The following FBXL17 variants were observed in gnomAD, a reference collection of about 807,000 sequenced individuals.
The protein encoded by FBXL17 is F-box/LRR-repeat protein 17.
In FBXL17, 22 loss-of-function variants were observed where a neutral mutation model predicts 66.2. The ratio of observed to expected loss-of-function variants is 0.33; its 90% CI spans 0.24 to 0.47. The LOEUF (loss-of-function observed/expected upper bound fraction) is 0.47, where lower values mean the gene tolerates loss of function less well. Ranked by LOEUF, FBXL17 falls within the 20% of genes least tolerant of loss-of-function variation. The pLI, the probability that FBXL17 is intolerant of heterozygous loss-of-function variation, is 1.00. For synonymous variants in FBXL17, 474 were observed against 400.5 expected (o/e 1.18, Z -2.19); for missense variants, 878 against 948.2 (o/e 0.93, Z 0.97).
intron 7 of FBXL17, among the ~76,000 whole-genome samples, chr5:108,003,147 T>C (rs887852853): frequency 5.9e-5 from 9 of 152,352 alleles, no homozygotes; most frequent in African/African-American, 2.2e-4. Flanking sequence ...TGCTAATATT[T>C]GTGGCCTTTT....
At chr5:107,924,071 T>TGC in intron 7 of FBXL17, among the ~76,000 whole-genome samples, 1 of 150,326 alleles carries the variant, frequency 6.7e-6, no homozygotes. Flanking sequence ...TTTTTTTTTT[T>TGC]TTTTTTTTTT....
At chr5:108,136,928 A>T (rs1257645865) in intron 6 of FBXL17, among the ~76,000 whole-genome samples, 1 of 152,200 alleles carries the variant, frequency 6.6e-6, no homozygotes, top group African/African-American at 2.4e-5. Context: ...CTTCAAAACT[A>T]TAACTTAAAA....
intron 6 of FBXL17, among the ~76,000 whole-genome samples, chr5:108,152,176 A>G (rs1751798067): frequency 6.6e-6 from 1 of 152,218 alleles, no homozygotes. Flanking sequence ...GTACCAAAAC[A>G]CTGAAAAGTC....
At chr5:108,323,395 G>T (rs925076804) in intron 4 of FBXL17, among the ~76,000 whole-genome samples, 2 of 151,746 alleles carry the variant, frequency 1.3e-5, no homozygotes, top group African/African-American at 4.8e-5. Context: ...TAAACTTAAA[G>T]GAGGCAAAAG....
chr5:107,915,691 T>TG (rs2112553578), intron 7 of FBXL17, among the ~76,000 whole-genome samples: 1 of 152,314 alleles, frequency 6.6e-6, no homozygotes, highest in South Asian at 2.1e-4. Context: ...TTTTGGTACT[T>TG]ATAATAAATC....
At position 108,260,750 on chromosome 5, in the gene FBXL17, G is replaced by A. The variant is rs531351661; in HGVS notation, c.1507-36522C>T. ...AGCCAGAGGAGCAGAGGAGGCAATG[G>A]CCACTAGATGGCACCAAACTACAGC... On this transcript the variant is annotated intron_variant, in intron 4 of 8. Coordinates refer to ENST00000542267, the MANE Select transcript of FBXL17 (RefSeq NM_001163315.3). Among the ~76,000 whole-genome samples the A allele has an allele frequency of 1.7e-4, 26 of 152,152 alleles. No individual in the cohort carries two copies. In the South Asian group the frequency reaches 5.2e-3, roughly 30 times the overall value.
intron 4 of FBXL17, among the ~76,000 whole-genome samples, chr5:108,336,243 A>G (rs1250717165): frequency 1.3e-5 from 2 of 152,198 alleles, no homozygotes; most frequent in Non-Finnish European, 2.9e-5. Context: ...ATTACTCTCA[A>G]AGCATGCAAT....
intron 7 of FBXL17, among the ~76,000 whole-genome samples, chr5:107,980,664 A>ATATATATATATATATATATATATTTTT: frequency 1.6e-5 from 1 of 62,078 alleles, no homozygotes; most frequent in African/African-American, 1.0e-4. Context: ...ATATATATAT[A>ATATATATATATATATATATATATTTTT]TTTTTTTTTT....
intron 6 of FBXL17, among the ~76,000 whole-genome samples, chr5:108,161,828 A>G (rs1752230606): frequency 6.6e-6 from 1 of 152,248 alleles, no homozygotes; most frequent in African/African-American, 2.4e-5. Context: ...CAGCAAGAGC[A>G]ATGATCTTAG....
intron 6 of FBXL17, among the ~76,000 whole-genome samples, chr5:108,050,525 A>G (rs950855497): frequency 6.6e-6 from 1 of 151,252 alleles, no homozygotes; most frequent in Admixed American, 6.6e-5. Context: ...ATGAGAAAAA[A>G]GAGAATCTCT....
At position 108,116,483 on chromosome 5, in the gene FBXL17, C is replaced by CAA. The variant is rs34773737; in HGVS notation, c.1745+69632_1745+69633dup. ...TGAAACCCTGTCTCTACTAAAAATA[C>CAA]AAAAAAAAAAAAAAATTAGCTGGGC... On this transcript the variant is annotated intron_variant, in intron 6 of 8. Transcript: ENST00000542267. Among the ~76,000 whole-genome samples the CAA allele has an allele frequency of 4.7e-4, 63 of 134,582 alleles. No individual in the cohort carries two copies. In the South Asian group the frequency reaches 7.7e-3, roughly 16 times the overall value. 88.3% of individuals were successfully genotyped at this position (134,582 alleles called of 152,430 possible).
chr5:108,232,736 T>C (rs532194567), intron 4 of FBXL17, among the ~76,000 whole-genome samples: 1 of 139,720 alleles, frequency 7.2e-6, no homozygotes, highest in South Asian at 2.3e-4. Flanking sequence ...AGACAGCCTA[T>C]TGTGGGACCT....
chr5:108,172,403 G>A (rs1236966504), intron 6 of FBXL17, among the ~76,000 whole-genome samples: 1 of 152,188 alleles, frequency 6.6e-6, no homozygotes, highest in Non-Finnish European at 1.5e-5. Flanking sequence ...TCCACCTTTT[G>A]ATGGGAGGAC....
intron 7 of FBXL17, among the ~76,000 whole-genome samples, chr5:107,949,307 A>T (rs1209743711): frequency 1.3e-5 from 2 of 152,198 alleles, no homozygotes; most frequent in Admixed American, 1.3e-4. Context: ...ATATCTTAAC[A>T]GGGACATTAA....
chr5:108,073,214 C>A (rs950856656), intron 6 of FBXL17, among the ~76,000 whole-genome samples: 1 of 152,140 alleles, frequency 6.6e-6, no homozygotes, highest in East Asian at 1.9e-4. Context: ...GGATAAAAAT[C>A]GGAAAAACAA....
intron 7 of FBXL17, among the ~76,000 whole-genome samples, chr5:107,958,002 A>G (rs1751729759): frequency 6.6e-6 from 1 of 151,190 alleles, no homozygotes; most frequent in African/African-American, 2.5e-5. Context: ...TGTCCAAGTA[A>G]TACATCGTTA....
intron 4 of FBXL17, among the ~76,000 whole-genome samples, chr5:108,284,569 G>C (rs1028465813): frequency 6.6e-6 from 1 of 151,762 alleles, no homozygotes; most frequent in African/African-American, 2.4e-5. Flanking sequence ...GTGGGAGGGG[G>C]GAAGATGATG....
chr5:108,381,817 C>A lies in FBXL17; in HGVS notation c.-126G>T. On this transcript the variant is annotated 5_prime_UTR_variant, in exon 1 of 9. Coordinates refer to ENST00000542267, the MANE Select transcript of FBXL17 (RefSeq NM_001163315.3). Reference sequence around the variant, plus strand: ...AGGGGTCGCCCTTCCTGCGCACACACACGCACACACGGGCACACACGCGAC... The same window carrying A: ...AGGGGTCGCCCTTCCTGCGCACACAAACGCACACACGGGCACACACGCGAC... 3.0e-6 allele frequency: 4 copies of A among 1,337,204 alleles called. No individual in the cohort carries two copies. The highest frequency in any genetic ancestry group is 3.8e-6 in the Non-Finnish European group (4 of 1,047,374). The allele number at this position is 1,337,204 out of a possible 1,614,324, so 82.8% of individuals were successfully genotyped here.
intron 8 of FBXL17, chr5:107,880,802 T>C: frequency 7.4e-7 from 1 of 1,351,886 alleles, no homozygotes; most frequent in Non-Finnish European, 9.5e-7. Context: ...ATGATTACTT[T>C]TTCTTTCTAC....
Sources: allele counts gnomAD v4.1 joint callset (sites outside exome capture counted in the v4.1 genomes callset), GRCh38; gene constraint gnomAD v4.1.1; transcripts MANE v1.5; gene names NCBI Gene and HGNC (gene_info 2026-07-23, HGNC 2026-07-21).